Variants in AFF2 observed in about 807,000 individuals in gnomAD.
AFF2 encodes the protein ALF transcription elongation factor 2.
In AFF2, 14 loss-of-function variants were observed where a neutral mutation model predicts 76.9. That is an observed-to-expected ratio of 0.18 (90% CI 0.12 to 0.28). AFF2 has a LOEUF of 0.28. Among genes scored for constraint, AFF2 ranks in the 10% least tolerant of loss-of-function variants. AFF2 has a pLI of 1.00. For missense variants in AFF2, 868 were observed against 1,001.1 expected, an observed-to-expected ratio of 0.87 and a Z score of 1.79; for synonymous variants, 398 against 366.7, an observed-to-expected ratio of 1.09 and a Z score of -0.98.
chrX:148,656,381 C>T (rs1432448117), intron 2 of AFF2, among the ~76,000 whole-genome samples: 1 of 111,703 alleles, frequency 9.0e-6, no homozygotes, highest in Non-Finnish European at 1.9e-5. Context: ...GTCTGCTAGG[C>T]ACTGTGCTAG....
chrX:148,768,394 G>A (rs781911263), intron 3 of AFF2, among the ~76,000 whole-genome samples: 6 of 110,797 alleles, frequency 5.4e-5, no homozygotes, highest in Non-Finnish European at 7.5e-5. Context: ...AAAACTAAGA[G>A]TCCTTAATTA....
At chrX:148,660,796 G>T (rs1293802840) in intron 2 of AFF2, among the ~76,000 whole-genome samples, 1 of 111,976 alleles carries the variant, frequency 8.9e-6, no homozygotes, top group Non-Finnish European at 1.9e-5. Flanking sequence ...AAGGTCCTTT[G>T]GCTTTCTGAA....
intron 3 of AFF2, among the ~76,000 whole-genome samples, chrX:148,746,975 T>C (rs782016886): frequency 1.8e-5 from 2 of 112,495 alleles, no homozygotes; most frequent in South Asian, 7.4e-4. Context: ...GTAGATGGAC[T>C]GGGGACGGGG....
At chrX:148,971,747 CTTTTTTTTT>C (rs781928514) in intron 15 of AFF2, among the ~76,000 whole-genome samples, 1 of 44,729 alleles carries the variant, frequency 2.2e-5, no homozygotes, top group African/African-American at 9.5e-5. Flanking sequence ...TTTTCTATTT[CTTTTTTTTT>C]TTTTTTTTTT....
rs11404264 is a variant in AFF2, at chrX:148,606,499, TA to T, written c.48-45489del. Among the ~76,000 whole-genome samples the T allele has an allele frequency of 1.1e-4, 11 of 103,479 alleles. No homozygotes were observed. The South Asian group carries it at 3.1e-3, about 29-fold the overall frequency. The allele number at this position is 103,479 out of a possible 115,157, so 89.9% of individuals were successfully genotyped here. On this transcript the variant is annotated intron_variant, in intron 1 of 20. Coordinates refer to ENST00000370460, the MANE Select transcript of AFF2 (RefSeq NM_002025.4). ...AAGTCTAAAATTCTTTCAAAATAAT[TA>T]AAAAAAAAAAGTCAAGTCAGCCTTG...
At chrX:148,677,028 T>C (rs1175759151) in intron 3 of AFF2, among the ~76,000 whole-genome samples, 1 of 110,770 alleles carries the variant, frequency 9.0e-6, no homozygotes, top group Non-Finnish European at 1.9e-5. Context: ...GCAGAAAGAT[T>C]GAAAAGGCTG....
At chrX:148,949,077 G>A (rs2071934682) in intron 9 of AFF2, among the ~76,000 whole-genome samples, 1 of 110,855 alleles carries the variant, frequency 9.0e-6, no homozygotes, top group Non-Finnish European at 1.9e-5. Flanking sequence ...GGGCAGACCT[G>A]CACATTGTTT....
At chrX:148,957,030 G>T (rs2072049998) in intron 11 of AFF2, among the ~76,000 whole-genome samples, 1 of 112,286 alleles carries the variant, frequency 8.9e-6, no homozygotes, top group African/African-American at 3.2e-5. Flanking sequence ...CAGCCTGCTG[G>T]GATCACTGAT....
intron 7 of AFF2, among the ~76,000 whole-genome samples, chrX:148,862,985 A>T (rs1385871522): frequency 9.0e-6 from 1 of 111,327 alleles, no homozygotes; most frequent in African/African-American, 3.3e-5. Context: ...CCAATTACAT[A>T]TTTTTTTATA....
chrX:148,841,077 G>C (rs1367189261), intron 5 of AFF2, among the ~76,000 whole-genome samples: 1 of 111,946 alleles, frequency 8.9e-6, no homozygotes, highest in Non-Finnish European at 1.9e-5. Context: ...TTGTTTAGGT[G>C]TAAAGTCCAA....
At chrX:148,527,302 G>A (rs190790484) in intron 1 of AFF2, among the ~76,000 whole-genome samples, 2 of 112,140 alleles carry the variant, frequency 1.8e-5, no homozygotes, top group East Asian at 5.6e-4. Context: ...TACAAAATAA[G>A]TGCCCCTTTT....
Position 148,999,180 on chromosome X carries a change from AC to A in AFF2, c.*7852del, listed in dbSNP as rs782665850. ...GTAAATTGACTGAGACTTGCAAAAT[AC>A]CCCTGAGAGTTGTCAGGGGTGTCTT... is the stretch of plus-strand genomic sequence containing the variant. On this transcript the variant is annotated 3_prime_UTR_variant, in exon 21 of 21. Transcript: ENST00000370460. The A allele has an allele frequency of 1.8e-3, 198 of 111,202 alleles. 1 individual carries two copies. The highest frequency in any genetic ancestry group is 6.3e-3 in the African/African-American group (194 of 30,555). The allele number at this position is 111,202 out of a possible 1,213,427, so 9.2% of individuals were successfully genotyped here.
intron 3 of AFF2, among the ~76,000 whole-genome samples, chrX:148,670,068 C>A (rs1452793158): frequency 4.5e-5 from 5 of 111,970 alleles, no homozygotes; most frequent in Non-Finnish European, 7.5e-5. Flanking sequence ...TTCCTCCTAA[C>A]TTTCTCTTCA....
chrX:148,966,805 A>G lies in AFF2; in HGVS notation c.2929A>G (p.Lys977Glu), dbSNP rs1272081225. 8.3e-6 allele frequency: 10 copies of G among 1,208,684 alleles called. 1 individual carries two copies. The Admixed American group carries it at 2.0e-4, about 24-fold the overall frequency. ...TTTTTCCCAGGAGGGAGACACTCCA[A>G]AAAAGGCATCCTCTGCCACCATCAC... ...GISVNEGDTP[K>E]KASSATITVT... The change falls in exon 14 of 21, where the codon AAA becomes GAA. Residue 977 changes from lysine (K) to glutamate (E), a missense_variant. Lys to Glu is a moderately conservative substitution (Grantham distance 56). Transcript: ENST00000370460.
At chrX:148,587,994 C>T (rs2053485332) in intron 1 of AFF2, among the ~76,000 whole-genome samples, 1 of 112,417 alleles carries the variant, frequency 8.9e-6, no homozygotes. Flanking sequence ...CTTTGAGCTC[C>T]TCTTTAGGGA....
intron 3 of AFF2, among the ~76,000 whole-genome samples, chrX:148,729,407 G>C (rs182441365): frequency 8.9e-6 from 1 of 112,000 alleles, no homozygotes. Flanking sequence ...GGGCATGGTC[G>C]GGAAGGGAGA....
intron 1 of AFF2, among the ~76,000 whole-genome samples, chrX:148,618,447 C>T (rs1329132669): frequency 1.8e-5 from 2 of 111,097 alleles, no homozygotes; most frequent in Admixed American, 9.5e-5. Context: ...TTTGTGAGAA[C>T]TCACTCACTA....
intron 7 of AFF2, among the ~76,000 whole-genome samples, chrX:148,885,340 T>C: frequency 9.0e-6 from 1 of 111,521 alleles, no homozygotes; most frequent in Non-Finnish European, 1.9e-5. Flanking sequence ...TATCAGAAGG[T>C]TAATGACTAG....
At chrX:148,983,215 A>G (rs1356084057) in intron 19 of AFF2, among the ~76,000 whole-genome samples, 2 of 112,199 alleles carry the variant, frequency 1.8e-5, no homozygotes, top group African/African-American at 6.5e-5. Flanking sequence ...TGTCACAGAG[A>G]GATAATAAAA....
Sources: gnomAD v4.1 joint callset for allele counts (sites outside exome capture counted in the v4.1 genomes callset) on GRCh38, gnomAD v4.1.1 for gene constraint, MANE v1.5 for transcripts, NCBI Gene and HGNC (gene_info 2026-07-23, HGNC 2026-07-21) for gene names.